RCAN2: variants seen among roughly 807,000 people sequenced by gnomAD.
RCAN2 encodes regulator of calcineurin 2.
In RCAN2, 9 loss-of-function variants were observed where a neutral mutation model predicts 23.6. The observed-to-expected ratio is 0.38, with a 90% CI of 0.23 to 0.67. The LOEUF (loss-of-function observed/expected upper bound fraction) is 0.67. Ranked by LOEUF, RCAN2 falls within the 30% of genes least tolerant of loss-of-function variation. RCAN2 has a pLI of 0.51. For missense variants in RCAN2, 273 were observed against 302.3 expected, an observed-to-expected ratio of 0.90 and a Z score of 0.72; for synonymous variants, 109 against 115.7, an observed-to-expected ratio of 0.94 and a Z score of 0.37.
chr6:46,349,517 CG>C (rs1764583523), intron 2 of RCAN2, among the ~76,000 whole-genome samples: 1 of 151,716 alleles, frequency 6.6e-6, no homozygotes, highest in African/African-American at 2.4e-5. Flanking sequence ...CCATTCCACA[CG>C]TATTTCTATG....
intron 2 of RCAN2, among the ~76,000 whole-genome samples, chr6:46,290,311 G>A (rs975001071): frequency 6.6e-6 from 1 of 152,142 alleles, no homozygotes; most frequent in Admixed American, 6.5e-5. Context: ...AATTTTGTAG[G>A]TGGAATCAAC....
chr6:46,256,318 C>G (rs986438087), intron 2 of RCAN2, among the ~76,000 whole-genome samples: 5 of 151,798 alleles, frequency 3.3e-5, no homozygotes, highest in African/African-American at 1.2e-4. Context: ...TGCAGTGAGC[C>G]AAGACTGTGC....
At chr6:46,441,547 G>T (rs12182474) in intron 2 of RCAN2, among the ~76,000 whole-genome samples, 4,123 of 151,990 alleles carry the variant, frequency 0.027, 167 homozygotes, top group African/African-American at 0.093. Context: ...AAAATTTTTT[G>T]GGGGGAAAGG....
At chr6:46,372,901 T>C (rs1014906992) in intron 2 of RCAN2, among the ~76,000 whole-genome samples, 7 of 152,230 alleles carry the variant, frequency 4.6e-5, no homozygotes, top group African/African-American at 1.7e-4. Context: ...ATTTCAGATC[T>C]GGAAGGAGAA....
intron 2 of RCAN2, chr6:46,325,933 G>A (rs1325154977): frequency 1.0e-6 from 1 of 968,216 alleles, no homozygotes; most frequent in Non-Finnish European, 1.2e-6. Context: ...TCTTCTTTGA[G>A]GTGGGGGAGG....
At chr6:46,347,656 C>T (rs1011909415) in intron 2 of RCAN2, among the ~76,000 whole-genome samples, 3 of 152,166 alleles carry the variant, frequency 2.0e-5, no homozygotes, top group Non-Finnish European at 2.9e-5. Flanking sequence ...TTCCAATTCA[C>T]TAAAATCTCA....
chr6:46,409,313 A>C (rs1766488958), intron 2 of RCAN2, among the ~76,000 whole-genome samples: 3 of 152,220 alleles, frequency 2.0e-5, no homozygotes, highest in Admixed American at 6.5e-5. Context: ...CAAATCAGAA[A>C]TATAATACTG....
chr6:46,479,723 C>G (rs1014577478), intron 1 of RCAN2, among the ~76,000 whole-genome samples: 4 of 151,840 alleles, frequency 2.6e-5, no homozygotes, highest in African/African-American at 9.7e-5. Flanking sequence ...GCTGGGACTA[C>G]AGGCACTCAC....
intron 1 of RCAN2, among the ~76,000 whole-genome samples, chr6:46,488,664 A>C (rs1769059137): frequency 3.3e-5 from 5 of 152,234 alleles, no homozygotes; most frequent in Admixed American, 1.3e-4. Flanking sequence ...TTGGTTGTTC[A>C]AAATAAAAAT....
At chr6:46,234,375 C>T (rs1027488803) in intron 4 of RCAN2, among the ~76,000 whole-genome samples, 2 of 152,142 alleles carry the variant, frequency 1.3e-5, no homozygotes, top group African/African-American at 4.8e-5. Flanking sequence ...CTCTTTTTCC[C>T]TTTGGGCTTC....
intron 1 of RCAN2, among the ~76,000 whole-genome samples, chr6:46,462,668 T>C (rs1161551394): frequency 6.6e-6 from 1 of 152,238 alleles, no homozygotes; most frequent in East Asian, 1.9e-4. Flanking sequence ...GAGACATTAC[T>C]GGCTTTCTAC....
chr6:46,223,613 G>T lies in RCAN2; in HGVS notation c.572-312C>A, dbSNP rs77662397. On this transcript the variant is annotated intron_variant, in intron 4 of 4. Coordinates refer to ENST00000371374, the MANE Select transcript of RCAN2 (RefSeq NM_001251974.2). ...TGGTGGCGAGGACTGGATGGACTTG[G>T]CAGTTAGTCGTATTAGTTTCTCTTC... Among the ~76,000 whole-genome samples the T allele has an allele frequency of 1.9e-3, 287 of 152,278 alleles. 1 individual carries two copies. Among genetic ancestry groups the T allele is most frequent in the African/African-American group, 6.7e-3 (280 of 41,556 alleles).
At chr6:46,307,406 GA>G (rs1269625868) in intron 2 of RCAN2, among the ~76,000 whole-genome samples, 2 of 152,264 alleles carry the variant, frequency 1.3e-5, no homozygotes, top group African/African-American at 4.8e-5. Flanking sequence ...CTTCAAGGCT[GA>G]GTGAGTGTAT....
intron 2 of RCAN2, among the ~76,000 whole-genome samples, chr6:46,418,856 G>A (rs1429757892): frequency 4.0e-5 from 6 of 151,680 alleles, no homozygotes; most frequent in East Asian, 1.9e-4. Context: ...TTGGGAAGCC[G>A]AGGTGGGCAG....
At chr6:46,447,644 C>G (rs1165011627) in intron 2 of RCAN2, among the ~76,000 whole-genome samples, 1 of 151,776 alleles carries the variant, frequency 6.6e-6, no homozygotes, top group African/African-American at 2.4e-5. Flanking sequence ...TCATATCAAA[C>G]ATCTTTTTAA....
chr6:46,405,338 A>G (rs1252041429), intron 2 of RCAN2, among the ~76,000 whole-genome samples: 2 of 152,162 alleles, frequency 1.3e-5, no homozygotes, highest in African/African-American at 4.8e-5. Context: ...CACAGGGTGG[A>G]AGGGGACCCG....
Position 46,246,893 on chromosome 6 carries a change from G to T in RCAN2, c.426C>A (p.Asp142Glu), listed in dbSNP as rs1216288890. 3.8e-6 allele frequency: 6 copies of T among 1,590,924 alleles called. No individual in the cohort carries two copies. Among genetic ancestry groups the T allele is most frequent in the Non-Finnish European group, 4.3e-6 (5 of 1,167,104 alleles). ...GCTGGGGTGGAGCCAAGTGCAGTTTGTCTCCATCTGTCTCTGGAGTCTGAA... is the reference window on the plus strand; with the variant it reads ...GCTGGGGTGGAGCCAAGTGCAGTTTTTCTCCATCTGTCTCTGGAGTCTGAA... ...AQVQTPETDG[D>E]KLHLAPPQPA... The change falls in exon 4 of 5, where the codon GAC (aspartate) becomes GAA (glutamate). Residue 142 changes from aspartate to glutamate, a missense_variant. Physicochemically the swap from Asp to Glu is conservative, Grantham distance 45. Transcript: ENST00000371374.
chr6:46,292,018 C>T (rs1457442294), intron 2 of RCAN2, among the ~76,000 whole-genome samples: 1 of 152,192 alleles, frequency 6.6e-6, no homozygotes, highest in African/African-American at 2.4e-5. Context: ...AAATTTCTTA[C>T]ATTCTGCAAT....
At chr6:46,355,110 G>C (rs1457099991) in intron 2 of RCAN2, among the ~76,000 whole-genome samples, 6 of 152,066 alleles carry the variant, frequency 3.9e-5, no homozygotes, top group Admixed American at 3.9e-4. Context: ...ACTTGTGACT[G>C]GTAGAACTGG....
Sources: gnomAD v4.1 joint callset for allele counts (sites outside exome capture counted in the v4.1 genomes callset) on GRCh38, gnomAD v4.1.1 for gene constraint, MANE v1.5 for transcripts, NCBI Gene and HGNC (gene_info 2026-07-23, HGNC 2026-07-21) for gene names.